Variants in VPS13B observed in about 807,000 individuals in gnomAD.
VPS13B encodes the protein vacuolar protein sorting 13 homolog B.
VPS13B carries 285 observed loss-of-function variants against 426.4 expected under a neutral mutation model. That is an observed-to-expected ratio of 0.67 (90% CI 0.61 to 0.74). The LOEUF (loss-of-function observed/expected upper bound fraction) is 0.74, where lower values mean the gene tolerates loss of function less well. Ranked by LOEUF, VPS13B falls within the 30% of genes least tolerant of loss-of-function variation. The pLI, the probability that VPS13B is intolerant of heterozygous loss-of-function variation, is 0.00. For synonymous variants in VPS13B, 1,676 were observed against 1,676.4 expected, an observed-to-expected ratio of 1.00 and a Z score of 0.01; for missense variants, 4,537 against 4,782.6, an observed-to-expected ratio of 0.95 and a Z score of 1.51.
At chr8:99,093,725 C>G (rs903192793) in intron 3 of VPS13B, among the ~76,000 whole-genome samples, 1 of 152,060 alleles carries the variant, frequency 6.6e-6, no homozygotes, top group Non-Finnish European at 1.5e-5. Flanking sequence ...TTTTTTATGG[C>G]TGCATAGTAT....
chr8:99,150,237 AT>A (rs1810991400), intron 14 of VPS13B, among the ~76,000 whole-genome samples: 2 of 152,246 alleles, frequency 1.3e-5, no homozygotes, highest in East Asian at 3.9e-4. Flanking sequence ...AATAGATACT[AT>A]TTTTTAGAGC....
intron 19 of VPS13B, among the ~76,000 whole-genome samples, chr8:99,280,401 T>A (rs2133015287): frequency 6.6e-6 from 1 of 152,320 alleles, no homozygotes; most frequent in Non-Finnish European, 1.5e-5. Flanking sequence ...TATATTTATA[T>A]ATGTCCTTAC....
chr8:99,537,839 A>G (rs936695279), intron 30 of VPS13B, among the ~76,000 whole-genome samples: 2 of 152,212 alleles, frequency 1.3e-5, no homozygotes, highest in African/African-American at 4.8e-5. Flanking sequence ...CCAGGTCATT[A>G]AAGTTCAACC....
rs1448182571 is a variant in VPS13B, at chr8:99,861,965, T to C, written c.11215+19T>C. On this transcript the variant is annotated intron_variant, in intron 58 of 61. Coordinates refer to ENST00000357162, the MANE Select transcript of VPS13B (RefSeq NM_152564.5). ...CTGCTTGGTAAGGGGCTGCGGGGCCTCCCACCTGTCTGTACTCCAGCAGGC... is the reference window on the plus strand; with the variant it reads ...CTGCTTGGTAAGGGGCTGCGGGGCCCCCCACCTGTCTGTACTCCAGCAGGC... The C allele has an allele frequency of 4.5e-6, 7 of 1,567,282 alleles. No homozygotes were observed. Among genetic ancestry groups the C allele is most frequent in the Non-Finnish European group, 5.2e-6 (6 of 1,159,770 alleles).
At chr8:99,631,584 A>G (rs1430321161) in intron 33 of VPS13B, among the ~76,000 whole-genome samples, 1 of 152,104 alleles carries the variant, frequency 6.6e-6, no homozygotes, top group Non-Finnish European at 1.5e-5. Context: ...AGCTGCTTGT[A>G]ATCATCTGGA....
chr8:99,402,681 T>G (rs1012676431), intron 21 of VPS13B, among the ~76,000 whole-genome samples: 3 of 152,154 alleles, frequency 2.0e-5, no homozygotes, highest in African/African-American at 7.2e-5. Flanking sequence ...AATAGCATCT[T>G]CAAATCTGCT....
chr8:99,827,062 T>C (rs1215368802), intron 51 of VPS13B, among the ~76,000 whole-genome samples: 2 of 152,188 alleles, frequency 1.3e-5, no homozygotes. Flanking sequence ...CAGGTTTTGG[T>C]ATCAGGATGA....
intron 39 of VPS13B, among the ~76,000 whole-genome samples, chr8:99,739,183 A>C (rs1018933804): frequency 6.6e-6 from 1 of 152,228 alleles, no homozygotes; most frequent in African/African-American, 2.4e-5. Flanking sequence ...TACATCCCGT[A>C]CCTGGCTCGG....
chr8:99,117,089 C>G (rs1263208756), intron 7 of VPS13B, among the ~76,000 whole-genome samples: 1 of 152,000 alleles, frequency 6.6e-6, no homozygotes, highest in African/African-American at 2.4e-5. Flanking sequence ...GCCTGAGACT[C>G]AGAAAGTTTT....
At chr8:99,478,640 C>T (rs1819872574) in intron 24 of VPS13B, among the ~76,000 whole-genome samples, 2 of 150,898 alleles carry the variant, frequency 1.3e-5, no homozygotes, top group South Asian at 2.1e-4. Flanking sequence ...GTACAGACGG[C>T]GTTTCACCAT....
At chr8:99,211,800 G>T (rs572575838) in intron 17 of VPS13B, among the ~76,000 whole-genome samples, 4 of 152,134 alleles carry the variant, frequency 2.6e-5, no homozygotes, top group African/African-American at 9.7e-5. Flanking sequence ...AATAGATGTT[G>T]TTGGTTCAGT....
intron 35 of VPS13B, among the ~76,000 whole-genome samples, chr8:99,693,216 A>G (rs1472844043): frequency 6.6e-6 from 1 of 151,350 alleles, no homozygotes; most frequent in Admixed American, 6.6e-5. Context: ...TCATTCTGAT[A>G]CCAAAGCCGG....
At chr8:99,772,436 A>G (rs1479465665) in intron 40 of VPS13B, among the ~76,000 whole-genome samples, 1 of 152,146 alleles carries the variant, frequency 6.6e-6, no homozygotes, top group Admixed American at 6.5e-5. Context: ...TAAAGAGCAT[A>G]GTGGTGGCTG....
At chr8:99,349,255 C>A (rs1478663983) in intron 19 of VPS13B, among the ~76,000 whole-genome samples, 3 of 122,390 alleles carry the variant, frequency 2.5e-5, no homozygotes, top group Non-Finnish European at 4.8e-5. Context: ...ATGGCGTGTA[C>A]CCGGGAGGCG....
intron 14 of VPS13B, among the ~76,000 whole-genome samples, chr8:99,153,794 T>A (rs1172494418): frequency 6.6e-6 from 1 of 152,232 alleles, no homozygotes; most frequent in South Asian, 2.1e-4. Context: ...TGTTTTTTTT[T>A]ATGTAGATGT....
intron 2 of VPS13B, among the ~76,000 whole-genome samples, chr8:99,019,105 C>T (rs1841759558): frequency 6.6e-6 from 1 of 151,362 alleles, no homozygotes; most frequent in African/African-American, 2.4e-5. Context: ...GAGGTATTCC[C>T]TCTTTTTATA....
At chr8:99,269,027 C>T (rs1216781753) in intron 17 of VPS13B, among the ~76,000 whole-genome samples, 2 of 152,066 alleles carry the variant, frequency 1.3e-5, no homozygotes, top group East Asian at 1.9e-4. Flanking sequence ...TCTCTCCTGC[C>T]ACCTTGTGAA....
chr8:99,855,905 G>A (rs1356348848), intron 56 of VPS13B, among the ~76,000 whole-genome samples: 2 of 152,182 alleles, frequency 1.3e-5, no homozygotes, highest in Non-Finnish European at 2.9e-5. Context: ...TTTAATAGAT[G>A]GGTGTATTTA....
At chr8:99,785,746 C>T (rs983079357) in intron 43 of VPS13B, among the ~76,000 whole-genome samples, 16 of 152,000 alleles carry the variant, frequency 1.1e-4, no homozygotes, top group African/African-American at 3.9e-4. Context: ...GGTATACTGA[C>T]AAAACCAAAC....
Sources: allele counts gnomAD v4.1 joint callset (sites outside exome capture counted in the v4.1 genomes callset), GRCh38; gene constraint gnomAD v4.1.1; transcripts MANE v1.5; gene names NCBI Gene and HGNC (gene_info 2026-07-23, HGNC 2026-07-21).